The following BCL6B variants were observed in gnomAD, a reference collection of about 807,000 sequenced individuals.
The protein encoded by BCL6B is B-cell CLL/lymphoma 6 member B protein.
BCL6B carries 28 observed loss-of-function variants against 44.6 expected under a neutral mutation model. The observed-to-expected ratio is 0.63, with a 90% CI of 0.47 to 0.86. The LOEUF is 0.86. Ranked by LOEUF, BCL6B falls within the 40% of genes least tolerant of loss-of-function variation. The pLI, the probability that BCL6B is intolerant of heterozygous loss-of-function variation, is 0.00. For missense variants in BCL6B, 626 were observed against 652.3 expected (o/e 0.96, Z 0.44); for synonymous variants, 268 against 263.6 (o/e 1.02, Z -0.16).
At position 7,028,045 on chromosome 17, in the gene BCL6B, C is replaced by T; in HGVS notation, c.*426C>T. 1 of 998,960 alleles carries T rather than the reference C, an allele frequency of 1.0e-6. No individual in the cohort carries two copies. Among genetic ancestry groups the T allele is most frequent in the Non-Finnish European group, 1.2e-6 (1 of 838,256 alleles). 61.9% of individuals were successfully genotyped at this position (998,960 alleles called of 1,614,324 possible). On this transcript the variant is annotated 3_prime_UTR_variant, in exon 9 of 9. Transcript: ENST00000293805. Reference sequence around the variant, plus strand: ...TTCCACAAGTGTGATTAAAAGTGACCAGAAACACAGAAGGTGAGATCACAG... The same window carrying T: ...TTCCACAAGTGTGATTAAAAGTGACTAGAAACACAGAAGGTGAGATCACAG...
At position 7,028,789 on chromosome 17, in the gene BCL6B, CAG is replaced by C; in HGVS notation, c.*1171_*1172del. The C allele has an allele frequency of 1.0e-6, 1 of 985,428 alleles. No individual in the cohort carries two copies. The highest frequency in any genetic ancestry group is 4.7e-5 in the South Asian group (1 of 21,286). 61.0% of individuals were successfully genotyped at this position (985,428 alleles called of 1,614,324 possible). A position where few individuals can be genotyped will look rare whatever the true frequency, so the allele number is the denominator to read the frequency against. On this transcript the variant is annotated 3_prime_UTR_variant, in exon 9 of 9. Transcript: ENST00000293805. ...CTCTTTAGCTTGATTAGATGGTAAA[CAG>C]TGTTAACCCATCCTTTACTACAGAG...
chr17:7,026,994 G>C lies in BCL6B; in HGVS notation c.1230G>C (p.Lys410Asn). 6.2e-7 allele frequency: 1 copy of C among 1,613,592 alleles called. No homozygotes were observed. The highest frequency in any genetic ancestry group is 8.5e-7 in the Non-Finnish European group (1 of 1,180,006). ...ACGTGCTGATCCACACCGGGGAGAA[G>C]CCCTACCCTTGCCCTACCTGCGGAA... ...RAHVLIHTGE[K>N]PYPCPTCGTR... The change falls in exon 8 of 9, where the codon AAG (lysine) becomes AAC (asparagine). Residue 410 changes from lysine to asparagine, a missense_variant. Lys to Asn is a moderately conservative substitution (Grantham distance 94, BLOSUM62 0). Transcript: ENST00000293805.
intron 5 of BCL6B, 71 bp downstream of exon 5, chr17:7,025,271 G>T: frequency 6.3e-7 from 1 of 1,581,898 alleles, no homozygotes; most frequent in Non-Finnish European, 8.6e-7. Flanking sequence ...AACTCTCCCA[G>T]AAAGGCCTAT....
At position 7,026,835 on chromosome 17, in the gene BCL6B, G is replaced by A. The variant is rs762310174; in HGVS notation, c.1185G>A (p.Gln395=). 6.2e-7 allele frequency: 1 copy of A among 1,613,710 alleles called. No homozygotes were observed. Among genetic ancestry groups the A allele is most frequent in the South Asian group, 1.1e-5 (1 of 91,090 alleles). ...KCETCGSRFV[Q]VAHLRAHVLI... ...AGACGTGCGGCTCGCGCTTTGTACAGGTACGGAGCCAGCCTCCAAGTGGCT... is the reference window on the plus strand; with the variant it reads ...AGACGTGCGGCTCGCGCTTTGTACAAGTACGGAGCCAGCCTCCAAGTGGCT... Residue 395 remains glutamine (Q), a splice_region_variant and synonymous_variant, in exon 7 of 9, where the codon CAG becomes CAA. Transcript: ENST00000293805.
In BCL6B at chr17:7,024,833, G is replaced by A; in HGVS notation, c.764+70G>A. 1.3e-6 allele frequency: 2 copies of A among 1,515,178 alleles called. No homozygotes were observed. The highest frequency in any genetic ancestry group is 1.8e-6 in the Non-Finnish European group (2 of 1,131,952). 93.9% of individuals were successfully genotyped at this position (1,515,178 alleles called of 1,614,324 possible). On this transcript the variant is annotated intron_variant, in intron 4 of 8. Transcript: ENST00000293805. The surrounding 1 kb of genome is among the most constrained non-coding windows in gnomAD (Gnocchi z 6.6). ...CTAGAAGACAGAGTCATTGGGCCTTGATGGTCAGGAGGAAGGGAGATAGGT... is the reference window on the plus strand; with the variant it reads ...CTAGAAGACAGAGTCATTGGGCCTTAATGGTCAGGAGGAAGGGAGATAGGT...
Position 7,027,681 on chromosome 17 carries a change from T to C in BCL6B, c.*62T>C, listed in dbSNP as rs1453158484. 1 of 1,604,124 alleles carries C rather than the reference T, an allele frequency of 6.2e-7. No individual in the cohort carries two copies. The highest frequency in any genetic ancestry group is 2.2e-5 in the East Asian group (1 of 44,858). ...GTGGGAAAGCTGCAGGCCCAGGCCT[T>C]GCTTCCCTATCAGGCTTGGGCATAG... On this transcript the variant is annotated 3_prime_UTR_variant, in exon 9 of 9. Transcript: ENST00000293805.
In BCL6B at chr17:7,023,058, G is replaced by C. The variant is rs746405444; in HGVS notation, c.-54G>C. 1.4e-5 allele frequency: 2 copies of C among 147,770 alleles called. No individual in the cohort carries two copies. Among genetic ancestry groups the C allele is most frequent in the Non-Finnish European group, 3.0e-5 (2 of 66,906 alleles). 9.2% of individuals were successfully genotyped at this position (147,770 alleles called of 1,614,324 possible). A position where few individuals can be genotyped will look rare whatever the true frequency, so the allele number is the denominator to read the frequency against. On this transcript the variant is annotated 5_prime_UTR_variant, in exon 1 of 9. Transcript: ENST00000293805. ...GAGGCCAAGAGGGGAGAGAGACCCCGCCCCCCTTAAGAAGAGAAGCCGCGG... is the reference window on the plus strand; with the variant it reads ...GAGGCCAAGAGGGGAGAGAGACCCCCCCCCCCTTAAGAAGAGAAGCCGCGG...
At position 7,027,537 on chromosome 17, in the gene BCL6B, G is replaced by A. The variant is rs1194332164; in HGVS notation, c.1358G>A (p.Ser453Asn). 6.2e-7 allele frequency: 1 copy of A among 1,613,774 alleles called. No homozygotes were observed. The highest frequency in any genetic ancestry group is 8.5e-7 in the Non-Finnish European group (1 of 1,180,030). Reference protein sequence around the residue: ...DPCGLHFRHKSQLRLHLRQKH... With the variant: ...DPCGLHFRHKNQLRLHLRQKH... ...TGTGGCCTGCATTTCCGGCACAAGA[G>A]TCAACTGCGGCTGCATCTGCGCCAG... The change falls in exon 9 of 9, where the codon AGT becomes AAT. Residue 453 changes from serine (S) to asparagine (N), a missense_variant. By Grantham distance (46) the Ser-to-Asn change is conservative. Transcript: ENST00000293805.
At chr17:7,025,001 C>G in intron 4 of BCL6B, 75 bp from the exon 5 acceptor site, 2 of 1,563,150 alleles carry the variant, frequency 1.3e-6, no homozygotes, top group Non-Finnish European at 1.7e-6. Context: ...GCCTTTGGCT[C>G]CAAATTTCCC....
chr17:7,028,577 A>C lies in BCL6B; in HGVS notation c.*958A>C. On this transcript the variant is annotated 3_prime_UTR_variant, in exon 9 of 9. Coordinates refer to ENST00000293805, the MANE Select transcript of BCL6B (RefSeq NM_181844.4). ...ACTTGGGTTTGGCTCTGCTGTATCC[A>C]TCTATAGTGGTAGAGACCCACCAGG... 1 of 985,504 alleles carries C rather than the reference A, an allele frequency of 1.0e-6. No homozygotes were observed. Among genetic ancestry groups the C allele is most frequent in the Non-Finnish European group, 1.2e-6 (1 of 829,954 alleles). The allele number at this position is 985,504 out of a possible 1,614,324, so 61.0% of individuals were successfully genotyped here.
intron 5 of BCL6B, among the ~76,000 whole-genome samples, chr17:7,026,163 G>C (rs547922152): frequency 6.6e-6 from 1 of 152,048 alleles, no homozygotes; most frequent in South Asian, 2.1e-4. Context: ...CTTGTGATCC[G>C]ACCGCCTCGG....
Position 7,029,327 on chromosome 17 carries a change from G to A in BCL6B, c.*1708G>A, listed in dbSNP as rs549904746. The A allele has an allele frequency of 2.0e-6, 2 of 989,912 alleles. No homozygotes were observed. The highest frequency in any genetic ancestry group is 3.5e-5 in the African/African-American group (2 of 57,360). 61.3% of individuals were successfully genotyped at this position (989,912 alleles called of 1,614,324 possible). On this transcript the variant is annotated 3_prime_UTR_variant, in exon 9 of 9. Transcript: ENST00000293805. ...TGATAGTTCTGCCCCTTGTTGCCCT[G>A]GGGCTTATCTGATTATGGGACGAGG...
rs1437983025 is a variant in BCL6B, at chr17:7,023,539, G to C, written c.-12-121G>C. ...AGAAGAATTAGGAGGGAGGCTGCGT[G>C]TGCCGGGGCTAGGGGCTGGAAGTCC... On this transcript the variant is annotated intron_variant, in intron 1 of 8. Coordinates refer to ENST00000293805, the MANE Select transcript of BCL6B (RefSeq NM_181844.4). 7.4e-6 allele frequency: 7 copies of C among 951,876 alleles called. No homozygotes were observed. The African/African-American group carries it at 1.2e-4, about 16-fold the overall frequency. The allele number at this position is 951,876 out of a possible 1,614,324, so 59.0% of individuals were successfully genotyped here. A position where few individuals can be genotyped will look rare whatever the true frequency, so the allele number is the denominator to read the frequency against.
In BCL6B at chr17:7,024,227, A is replaced by G; in HGVS notation, c.324A>G (p.Ala108=). ...GCCTGCGCCTCTCTCCAGCCACTGC[A>G]CCAGCAGTCCTAGCGGCCGCCACCT... ...TSRLRLSPAT[A]PAVLAAATYL... is the part of the protein sequence containing the mutation. The change falls in exon 3 of 9, where the codon GCA becomes GCG. Residue 108 remains alanine (A), a synonymous_variant. Coordinates refer to ENST00000293805, the MANE Select transcript of BCL6B (RefSeq NM_181844.4). The surrounding 1 kb of genome is among the most constrained non-coding windows in gnomAD (Gnocchi z 6.6). 6.2e-7 allele frequency: 1 copy of G among 1,613,804 alleles called. No homozygotes were observed. The highest frequency in any genetic ancestry group is 8.5e-7 in the Non-Finnish European group (1 of 1,180,016).
In BCL6B at chr17:7,026,536, C is replaced by G; in HGVS notation, c.969C>G (p.Asp323Glu). Reference protein sequence around the residue: ...SSGLDSLVPGDEDKPYKCQLC... With the variant: ...SSGLDSLVPGEEDKPYKCQLC... Reference sequence around the variant, plus strand: ...GGCTGGACTCCTTGGTTCCTGGGGACGAAGACAAACCCTATAAGTGTCAGC... The same window carrying G: ...GGCTGGACTCCTTGGTTCCTGGGGAGGAAGACAAACCCTATAAGTGTCAGC... Residue 323 changes from aspartate to glutamate, a missense_variant, in exon 6 of 9, where the codon GAC becomes GAG. By Grantham distance (45) the Asp-to-Glu change is conservative. Coordinates refer to ENST00000293805, the MANE Select transcript of BCL6B (RefSeq NM_181844.4). The G allele has an allele frequency of 6.2e-7, 1 of 1,614,176 alleles. No homozygotes were observed. Among genetic ancestry groups the G allele is most frequent in the African/African-American group, 1.3e-5 (1 of 75,050 alleles).
At position 7,024,632 on chromosome 17, in the gene BCL6B, C is replaced by T; in HGVS notation, c.633C>T (p.Ser211=). The change falls in exon 4 of 9, where the codon AGC becomes AGT. Residue 211 remains serine, a synonymous_variant. Transcript: ENST00000293805. The surrounding 1 kb of genome is among the most constrained non-coding windows in gnomAD (Gnocchi z 6.6). Reference sequence around the variant, plus strand: ...ACTCTCAGGCCTCCCAAGCAGGGAGCCTGGTCGGGGAGAGAAGTTCTGGTC... The same window carrying T: ...ACTCTCAGGCCTCCCAAGCAGGGAGTCTGGTCGGGGAGAGAAGTTCTGGTC... ...VLNSQASQAG[S]LVGERSSGQP... is the part of the protein sequence containing the mutation. 6.2e-7 allele frequency: 1 copy of T among 1,614,148 alleles called. No homozygotes were observed. Among genetic ancestry groups the T allele is most frequent in the Non-Finnish European group, 8.5e-7 (1 of 1,180,034 alleles).
intron 8 of BCL6B, 126 bp from the exon 9 acceptor site, chr17:7,027,377 G>A: frequency 1.7e-6 from 2 of 1,174,244 alleles, no homozygotes; most frequent in Non-Finnish European, 2.4e-6. Flanking sequence ...TTGGGAGGAT[G>A]TGAGAGTCAA....
intron 2 of BCL6B, 116 bp from the exon 3 acceptor site, chr17:7,023,967 T>C: frequency 6.6e-7 from 1 of 1,520,660 alleles, no homozygotes; most frequent in South Asian, 1.2e-5. Context: ...GTCCCAGAAT[T>C]GGGGGCGGGG....
At chr17:7,025,029 C>G (rs771664801) in intron 4 of BCL6B, 47 bp from the exon 5 acceptor site, 10 of 1,601,960 alleles carry the variant, frequency 6.2e-6, no homozygotes, top group Non-Finnish European at 7.7e-6. Flanking sequence ...AACCCCCACC[C>G]CTCAACCGTA....
Sources: gnomAD v4.1 joint callset for allele counts (sites outside exome capture counted in the v4.1 genomes callset) on GRCh38, gnomAD v4.1.1 for gene constraint, Gnocchi (gnomAD v3.1) non-coding constraint, MANE v1.5 for transcripts, NCBI Gene and HGNC (gene_info 2026-07-23, HGNC 2026-07-21) for gene names.